The following MMP26 variants were observed in gnomAD, a reference collection of about 807,000 sequenced individuals.
MMP26 encodes matrix metallopeptidase 26, also known as matrix metalloproteinase-26.
MMP26 carries 33 observed loss-of-function variants against 31.0 expected under a neutral mutation model. That is an observed-to-expected ratio of 1.06 (90% CI 0.81 to 1.42). MMP26 has a LOEUF of 1.42. Among genes scored for constraint, MMP26 ranks in the 40% most tolerant of loss-of-function variants. The pLI is 0.00. For missense variants in MMP26, 347 were observed against 316.1 expected (o/e 1.10, Z -0.74); for synonymous variants, 122 against 114.9 (o/e 1.06, Z -0.40).
intron 2 of MMP26, among the ~76,000 whole-genome samples, chr11:4,927,188 A>C (rs1851285031): frequency 6.6e-6 from 1 of 152,194 alleles, no homozygotes; most frequent in African/African-American, 2.4e-5. Flanking sequence ...ATATGGTTGC[A>C]TACAATGTTG....
intron 2 of MMP26, among the ~76,000 whole-genome samples, chr11:4,880,535 G>A (rs1332918187): frequency 6.6e-6 from 1 of 152,092 alleles, no homozygotes. Flanking sequence ...CTCCCTTTCT[G>A]TGGCCATAAT....
rs1323250171 is a variant in MMP26 at position 4,789,195 on chromosome 11, G to A, written c.-145+21854G>A. On this transcript the variant is annotated intron_variant, in intron 2 of 7. Coordinates refer to ENST00000380390, the MANE Select transcript of MMP26 (RefSeq NM_021801.5). The stretch of plus-strand genomic sequence containing the variant: ...ATATATGTAACTGAGGTTAGAGATT[G>A]TTGTGTTTCTATGTGGCATTTTTGT... Among the ~76,000 whole-genome samples, 5 of 152,304 alleles carry A rather than the reference G, an allele frequency of 3.3e-5. No homozygotes were observed. In the East Asian group the frequency reaches 9.6e-4, roughly 29 times the overall value.
At chr11:4,919,011 C>G (rs867340048) in intron 2 of MMP26, among the ~76,000 whole-genome samples, 31 of 152,204 alleles carry the variant, frequency 2.0e-4, no homozygotes, top group African/African-American at 6.8e-4. Flanking sequence ...GCTTAATTCT[C>G]TGGGTCTCAT....
intron 1 of MMP26, chr11:4,710,767 G>A (rs992016999): frequency 4.8e-5 from 10 of 210,032 alleles, no homozygotes; most frequent in Non-Finnish European, 7.8e-5. Flanking sequence ...AAATATGTCT[G>A]AAAGCATGCA....
intron 1 of MMP26, among the ~76,000 whole-genome samples, chr11:4,738,356 C>A (rs1384330003): frequency 6.6e-6 from 1 of 152,120 alleles, no homozygotes; most frequent in Non-Finnish European, 1.5e-5. Context: ...CATGAAGCAC[C>A]TTATTTTGCT....
chr11:4,729,086 A>G (rs1848139856), intron 1 of MMP26, among the ~76,000 whole-genome samples: 1 of 151,718 alleles, frequency 6.6e-6, no homozygotes, highest in Non-Finnish European at 1.5e-5. Context: ...TTTTGCCATG[A>G]CTAAAAAAAT....
rs772978601 is a variant in MMP26 at position 4,848,743 on chromosome 11, T to C, written c.-145+81402T>C. 7 of 1,613,678 alleles carry C rather than the reference T, an allele frequency of 4.3e-6. No homozygotes were observed. The highest frequency in any genetic ancestry group is 1.3e-5 in the African/African-American group (1 of 74,850). ...TGGAGACCCAGGCATCGAAAAGAAATGGCCAGGCTGATTTTGCTAATTACA... is the reference window on the plus strand; with the variant it reads ...TGGAGACCCAGGCATCGAAAAGAAACGGCCAGGCTGATTTTGCTAATTACA... On this transcript the variant is annotated intron_variant, in intron 2 of 7. Transcript: ENST00000380390.
intron 1 of MMP26, among the ~76,000 whole-genome samples, chr11:4,715,495 T>G (rs1202739255): frequency 6.6e-6 from 1 of 152,162 alleles, no homozygotes; most frequent in African/African-American, 2.4e-5. Flanking sequence ...ATTTTTTGTC[T>G]TATTCAAAAA....
chr11:4,888,628 C>T (rs1458860517), intron 2 of MMP26, among the ~76,000 whole-genome samples: 1 of 152,038 alleles, frequency 6.6e-6, no homozygotes, highest in Non-Finnish European at 1.5e-5. Context: ...GCTTATGGAA[C>T]TTTGCCGTAA....
At chr11:4,856,233 A>G (rs887880454) in intron 2 of MMP26, among the ~76,000 whole-genome samples, 4 of 152,240 alleles carry the variant, frequency 2.6e-5, no homozygotes, top group African/African-American at 9.6e-5. Flanking sequence ...ATTAACCTTA[A>G]ATGTAGATGG....
At chr11:4,766,686 C>CTT (rs1426960076) in intron 1 of MMP26, among the ~76,000 whole-genome samples, 49 of 87,692 alleles carry the variant, frequency 5.6e-4, no homozygotes, top group Non-Finnish European at 9.5e-4. Flanking sequence ...TTCTCTCCCA[C>CTT]TTTCCTTTCC....
intron 1 of MMP26, among the ~76,000 whole-genome samples, chr11:4,755,719 A>G (rs953283191): frequency 3.3e-5 from 5 of 152,048 alleles, no homozygotes; most frequent in African/African-American, 1.2e-4. Flanking sequence ...AGGCTGCTAG[A>G]AACTGGAAAT....
At chr11:4,849,388 T>C (rs1253680498) in intron 2 of MMP26, 7 of 621,992 alleles carry the variant, frequency 1.1e-5, no homozygotes, top group Non-Finnish European at 1.7e-5. Context: ...CCCATCCTAA[T>C]AGTATATGCA....
At chr11:4,877,525 A>C (rs911617128) in intron 2 of MMP26, 1 of 152,172 alleles carries the variant, frequency 6.6e-6, no homozygotes, top group Admixed American at 6.6e-5. Context: ...ACTATTTCCA[A>C]GTAAATGCAA....
intron 2 of MMP26, among the ~76,000 whole-genome samples, chr11:4,922,713 C>G (rs1056068863): frequency 1.3e-5 from 2 of 152,140 alleles, no homozygotes; most frequent in African/African-American, 2.4e-5. Context: ...AGGCTTTTCC[C>G]CAGTTACTCA....
intron 1 of MMP26, among the ~76,000 whole-genome samples, chr11:4,750,426 T>A (rs895758671): frequency 3.3e-5 from 5 of 152,042 alleles, no homozygotes; most frequent in African/African-American, 1.2e-4. Context: ...CTGAGTAGTT[T>A]CCCAAGGGAA....
chr11:4,856,211 A>G (rs1850049927), intron 2 of MMP26, among the ~76,000 whole-genome samples: 1 of 152,226 alleles, frequency 6.6e-6, no homozygotes, highest in African/African-American at 2.4e-5. Context: ...GATCAAATTC[A>G]CACATAACAA....
At chr11:4,899,455 TACA>T (rs1267195019) in intron 2 of MMP26, among the ~76,000 whole-genome samples, 1 of 152,212 alleles carries the variant, frequency 6.6e-6, no homozygotes, top group Non-Finnish European at 1.5e-5. Context: ...TAGTAAAGAC[TACA>T]ACATTTATTG....
chr11:4,854,867 C>T (rs1247428767), intron 2 of MMP26, among the ~76,000 whole-genome samples: 1 of 152,156 alleles, frequency 6.6e-6, no homozygotes, highest in African/African-American at 2.4e-5. Flanking sequence ...GACGAAGCTT[C>T]CAGAGGAAGG....
Sources: allele counts gnomAD v4.1 joint callset (sites outside exome capture counted in the v4.1 genomes callset), GRCh38; gene constraint gnomAD v4.1.1; transcripts MANE v1.5; gene names NCBI Gene and HGNC (gene_info 2026-07-23, HGNC 2026-07-21).